Variants in IPCEF1 observed in about 807,000 individuals in gnomAD.
IPCEF1 encodes interaction protein for cytohesin exchange factors 1, also known as interactor protein for cytohesin exchange factors 1.
IPCEF1 carries 31 observed loss-of-function variants against 50.9 expected under a neutral mutation model. That is an observed-to-expected ratio of 0.61 (90% CI 0.46 to 0.82). The LOEUF is 0.82. Ranked by LOEUF, IPCEF1 falls within the 40% of genes least tolerant of loss-of-function variation. IPCEF1 has a pLI of 0.00. For synonymous variants in IPCEF1, 181 were observed against 192.0 expected (o/e 0.94, Z 0.47); for missense variants, 458 against 514.0 (o/e 0.89, Z 1.05).
intron 1 of IPCEF1, among the ~76,000 whole-genome samples, chr6:154,307,067 C>T (rs991686908): frequency 3.4e-4 from 51 of 152,234 alleles, no homozygotes; most frequent in Non-Finnish European, 4.9e-4. Context: ...GGTTTTAGGG[C>T]CCATACTAAT....
chr6:154,305,866 C>A (rs142301426), intron 1 of IPCEF1, among the ~76,000 whole-genome samples: 1 of 152,152 alleles, frequency 6.6e-6, no homozygotes, highest in African/African-American at 2.4e-5. Context: ...GCTCTTGGAC[C>A]TTTGGACTTA....
intron 3 of IPCEF1, among the ~76,000 whole-genome samples, chr6:154,257,458 A>T (rs899026305): frequency 2.6e-5 from 4 of 151,972 alleles, no homozygotes; most frequent in African/African-American, 4.8e-5. Flanking sequence ...GATGCTTACC[A>T]TGTTTCTGAG....
At chr6:154,290,456 G>A (rs771038603) in intron 1 of IPCEF1, among the ~76,000 whole-genome samples, 1 of 152,170 alleles carries the variant, frequency 6.6e-6, no homozygotes, top group Non-Finnish European at 1.5e-5. Flanking sequence ...TTTTCCAAGT[G>A]TACTTTACTT....
At chr6:154,295,025 C>T (rs1303263412) in intron 1 of IPCEF1, among the ~76,000 whole-genome samples, 19 of 152,144 alleles carry the variant, frequency 1.2e-4, no homozygotes, top group Admixed American at 6.5e-5. Flanking sequence ...GGTGAAAGCC[C>T]GTCTCTACTA....
At chr6:154,167,764 G>C (rs989985822) in intron 11 of IPCEF1, among the ~76,000 whole-genome samples, 156 bp downstream of exon 11, 1 of 152,142 alleles carries the variant, frequency 6.6e-6, no homozygotes, top group Non-Finnish European at 1.5e-5. Context: ...CTTTAAGAAC[G>C]TCAAGATCAT....
chr6:154,234,345 A>T (rs1284953730), intron 5 of IPCEF1, among the ~76,000 whole-genome samples: 1 of 152,158 alleles, frequency 6.6e-6, no homozygotes, highest in Admixed American at 6.5e-5. Flanking sequence ...CTGCTTGCTA[A>T]GGAGAACTTT....
At chr6:154,265,881 T>C in intron 3 of IPCEF1, 31 bp downstream of exon 3, 1 of 1,520,620 alleles carries the variant, frequency 6.6e-7, no homozygotes, top group Non-Finnish European at 9.0e-7. Context: ...TGACAATATC[T>C]AAAGCCTGGG....
At chr6:154,275,525 C>T (rs6918094) in intron 2 of IPCEF1, among the ~76,000 whole-genome samples, 112,038 of 152,270 alleles carry the variant, frequency 0.74, 41,772 homozygotes, top group East Asian at 0.95. Context: ...GAATAGCAAG[C>T]GATGGCCCTT....
At chr6:154,295,179 C>A (rs1478960795) in intron 1 of IPCEF1, among the ~76,000 whole-genome samples, 3 of 151,572 alleles carry the variant, frequency 2.0e-5, no homozygotes, top group East Asian at 1.9e-4. Context: ...GCCTGGGCGA[C>A]AGAGTGAGAC....
At chr6:154,308,418 C>T (rs1782993442) in intron 1 of IPCEF1, among the ~76,000 whole-genome samples, 1 of 152,208 alleles carries the variant, frequency 6.6e-6, no homozygotes, top group African/African-American at 2.4e-5. Flanking sequence ...TGAGCCACCA[C>T]ACCTGGCCCT....
intron 1 of IPCEF1, among the ~76,000 whole-genome samples, chr6:154,295,894 TACACACACACACACACGCACACAC>T (rs1782641016): frequency 9.4e-6 from 1 of 106,798 alleles, no homozygotes; most frequent in East Asian, 3.0e-4. Context: ...CACACATGCG[TACACACACACACACACGCACACAC>T]ACACACACAC....
At chr6:154,258,247 A>T (rs1781510193) in intron 3 of IPCEF1, among the ~76,000 whole-genome samples, 1 of 152,168 alleles carries the variant, frequency 6.6e-6, no homozygotes, top group African/African-American at 2.4e-5. Context: ...TTATCTCTGA[A>T]GATCTTCATG....
chr6:154,294,178 C>T (rs796825949), intron 1 of IPCEF1, among the ~76,000 whole-genome samples: 13 of 152,306 alleles, frequency 8.5e-5, no homozygotes, highest in African/African-American at 3.1e-4. Context: ...TTCTTTTATT[C>T]AACTTTGAGA....
chr6:154,188,601 A>C (rs913034428), intron 10 of IPCEF1, among the ~76,000 whole-genome samples: 4 of 152,214 alleles, frequency 2.6e-5, no homozygotes, highest in Non-Finnish European at 4.4e-5. Context: ...AAAAAGAACA[A>C]AGTAGGAAAA....
chr6:154,199,904 G>T lies in IPCEF1; in HGVS notation c.674C>A (p.Thr225Lys). 6.2e-7 allele frequency: 1 copy of T among 1,614,212 alleles called. No individual in the cohort carries two copies. Among genetic ancestry groups the T allele is most frequent in the Non-Finnish European group, 8.5e-7 (1 of 1,180,026 alleles). The change falls in exon 10 of 12, where the codon ACA becomes AAA. Residue 225 changes from threonine to lysine, a missense_variant. Transcript: ENST00000367220. ...TTCAGCAGCAGACAAACTGTTAACT[G>T]TGTCAGGCAAGGATTGTCTCTCTTT... Reference protein sequence around the residue: ...LSKERQSLPDTVNSLSAAEDE... With the variant: ...LSKERQSLPDKVNSLSAAEDE...
At chr6:154,274,944 AGTT>A (rs376905884) in intron 2 of IPCEF1, among the ~76,000 whole-genome samples, 3 of 152,338 alleles carry the variant, frequency 2.0e-5, no homozygotes, top group African/African-American at 7.2e-5. Flanking sequence ...CCTGGAGAGT[AGTT>A]GTTGTCACTG....
intron 3 of IPCEF1, among the ~76,000 whole-genome samples, 166 bp downstream of exon 3, chr6:154,265,746 G>C (rs751094432): frequency 6.6e-6 from 1 of 152,176 alleles, no homozygotes; most frequent in Non-Finnish European, 1.5e-5. Context: ...TTAAATGCTT[G>C]ATAACCATAA....
At chr6:154,237,088 CT>C (rs1780194435) in intron 5 of IPCEF1, among the ~76,000 whole-genome samples, 1 of 152,316 alleles carries the variant, frequency 6.6e-6, no homozygotes, top group East Asian at 1.9e-4. Flanking sequence ...TATCAATTAG[CT>C]TGTCTGTAGA....
intron 1 of IPCEF1, among the ~76,000 whole-genome samples, chr6:154,332,367 A>T (rs1255487720): frequency 6.7e-6 from 1 of 149,412 alleles, no homozygotes; most frequent in Non-Finnish European, 1.5e-5. Flanking sequence ...GTCTGCCAGG[A>T]TTACAGGCAT....
Sources: allele counts gnomAD v4.1 joint callset (sites outside exome capture counted in the v4.1 genomes callset), GRCh38; gene constraint gnomAD v4.1.1; transcripts MANE v1.5; gene names NCBI Gene and HGNC (gene_info 2026-07-23, HGNC 2026-07-21).